Variants in TMEM51 observed in about 807,000 individuals in gnomAD.
TMEM51 encodes chromosome 1 open reading frame 72.
Under a neutral mutation model 13.6 loss-of-function variants are expected in TMEM51, and 8 were observed. That is an observed-to-expected ratio of 0.59 (90% CI 0.35 to 1.07). The LOEUF is 1.07. Among genes scored for constraint, TMEM51 ranks in the 50% least tolerant of loss-of-function variants. The pLI, the probability that TMEM51 is intolerant of heterozygous loss-of-function variation, is 0.02. For missense variants in TMEM51, 279 were observed against 330.7 expected, an observed-to-expected ratio of 0.84 and a Z score of 1.21; for synonymous variants, 147 against 144.4, an observed-to-expected ratio of 1.02 and a Z score of -0.13.
At chr1:15,186,731 T>C (rs562606154) in intron 1 of TMEM51, among the ~76,000 whole-genome samples, 8 of 152,212 alleles carry the variant, frequency 5.3e-5, no homozygotes, top group Admixed American at 3.9e-4. Context: ...TAGGGAGCCA[T>C]GAAGGGATGT....
intron 1 of TMEM51, among the ~76,000 whole-genome samples, chr1:15,173,002 G>A (rs1266581782): frequency 1.3e-5 from 2 of 152,172 alleles, no homozygotes; most frequent in Non-Finnish European, 2.9e-5. Context: ...CCGAGGATAT[G>A]TACTCAGCTG....
intron 1 of TMEM51, among the ~76,000 whole-genome samples, chr1:15,209,613 C>T (rs1251271762): frequency 1.3e-5 from 2 of 152,226 alleles, no homozygotes; most frequent in African/African-American, 4.8e-5. Flanking sequence ...ACCTTCACTG[C>T]TGCGTACGTA....
At chr1:15,167,154 C>T (rs922155104) in intron 1 of TMEM51, among the ~76,000 whole-genome samples, 15 of 151,706 alleles carry the variant, frequency 9.9e-5, no homozygotes, top group African/African-American at 3.4e-4. Context: ...GGTTAAACCC[C>T]GTCTCTCCTA....
chr1:15,206,228 CAAAAAAA>C (rs71000380), intron 1 of TMEM51, among the ~76,000 whole-genome samples: 2 of 94,230 alleles, frequency 2.1e-5, no homozygotes, highest in Admixed American at 1.1e-4. Context: ...GAGACCCTGT[CAAAAAAA>C]AAAAAAAAAA....
chr1:15,206,183 C>G (rs1644244766), intron 1 of TMEM51, among the ~76,000 whole-genome samples: 1 of 140,628 alleles, frequency 7.1e-6, no homozygotes, highest in South Asian at 2.2e-4. Context: ...GTACAGTAAG[C>G]CATGATCATG....
chr1:15,200,784 A>G (rs1194840573), intron 1 of TMEM51, among the ~76,000 whole-genome samples: 1 of 152,160 alleles, frequency 6.6e-6, no homozygotes, highest in East Asian at 1.9e-4. Flanking sequence ...TGAGTATCAG[A>G]GCTGCAGGGG....
chr1:15,165,878 C>T (rs929218945), intron 1 of TMEM51, among the ~76,000 whole-genome samples: 11 of 151,746 alleles, frequency 7.2e-5, no homozygotes, highest in Non-Finnish European at 1.3e-4. Context: ...GTGGAGGTTG[C>T]GGTGAGCCGA....
intron 1 of TMEM51, among the ~76,000 whole-genome samples, chr1:15,187,114 G>A (rs1643801589): frequency 6.6e-6 from 1 of 152,118 alleles, no homozygotes; most frequent in African/African-American, 2.4e-5. Flanking sequence ...TGACCAGAGA[G>A]GCCACAGCTA....
At chr1:15,181,223 A>G (rs4661593) in intron 1 of TMEM51, among the ~76,000 whole-genome samples, 66,068 of 152,134 alleles carry the variant, frequency 0.43, 15,289 homozygotes, top group East Asian at 0.87. Flanking sequence ...GATGTAAGGC[A>G]TATAGAACGG....
At chr1:15,155,343 G>A (rs1642554013) in intron 1 of TMEM51, among the ~76,000 whole-genome samples, 1 of 152,206 alleles carries the variant, frequency 6.6e-6, no homozygotes, top group African/African-American at 2.4e-5. Context: ...TGCAGAATTG[G>A]CGATACAGTC....
chr1:15,181,443 C>A (rs1258893506), intron 1 of TMEM51, among the ~76,000 whole-genome samples: 1 of 152,182 alleles, frequency 6.6e-6, no homozygotes, highest in Non-Finnish European at 1.5e-5. Context: ...TTTTGAACTA[C>A]ATCCAGGGAC....
intron 1 of TMEM51, among the ~76,000 whole-genome samples, chr1:15,201,404 G>A (rs1573434963): frequency 6.6e-6 from 1 of 151,010 alleles, no homozygotes; most frequent in East Asian, 1.9e-4. Context: ...TATTAAAATT[G>A]TATAAATAAA....
intron 1 of TMEM51, among the ~76,000 whole-genome samples, chr1:15,158,820 A>G (rs1190047468): frequency 6.6e-6 from 1 of 152,188 alleles, no homozygotes; most frequent in Non-Finnish European, 1.5e-5. Context: ...GCCACTTACT[A>G]GTGGATTTGA....
intron 1 of TMEM51, among the ~76,000 whole-genome samples, chr1:15,205,669 C>T (rs1399640636): frequency 1.3e-5 from 2 of 152,180 alleles, no homozygotes; most frequent in Admixed American, 6.5e-5. Context: ...AATTACTTTC[C>T]GTCTTGGAAC....
chr1:15,184,175 C>T (rs545510489), intron 1 of TMEM51, among the ~76,000 whole-genome samples: 13 of 152,306 alleles, frequency 8.5e-5, no homozygotes, highest in South Asian at 4.1e-4. Flanking sequence ...GTCAGGCGTG[C>T]GCCACCACAC....
At chr1:15,182,161 CAAATAAATAAATAAATAAATAAATAAAT>C in intron 1 of TMEM51, among the ~76,000 whole-genome samples, 1 of 139,572 alleles carries the variant, frequency 7.2e-6, no homozygotes, top group African/African-American at 2.6e-5. Flanking sequence ...AACTCCATCT[CAAATAAATAAATAAATAAATAAATAAAT>C]AAATAAATAA....
chr1:15,208,642 TAAATA>T (rs1644289490), intron 1 of TMEM51, among the ~76,000 whole-genome samples: 1 of 151,828 alleles, frequency 6.6e-6, no homozygotes, highest in Non-Finnish European at 1.5e-5. Context: ...AATACAGAAA[TAAATA>T]AATAAGTAGC....
chr1:15,214,114 G>A (rs1213307635), intron 2 of TMEM51, among the ~76,000 whole-genome samples: 1 of 150,558 alleles, frequency 6.6e-6, no homozygotes, highest in African/African-American at 2.4e-5. Flanking sequence ...GCCTCCCCAA[G>A]TGCTGGGATT....
intron 1 of TMEM51, among the ~76,000 whole-genome samples, chr1:15,177,297 G>A (rs1573397986): frequency 1.3e-5 from 2 of 152,332 alleles, no homozygotes; most frequent in Middle Eastern, 6.8e-3. Context: ...GGAGCTGCCA[G>A]TTTGAAACCA....
Sources: allele counts gnomAD v4.1 joint callset (sites outside exome capture counted in the v4.1 genomes callset), GRCh38; gene constraint gnomAD v4.1.1; transcripts MANE v1.5; gene names NCBI Gene and HGNC (gene_info 2026-07-23, HGNC 2026-07-21).